The following EYA2 variants were observed in gnomAD, a reference collection of about 807,000 sequenced individuals.
The protein encoded by EYA2 is protein phosphatase EYA2.
A neutral mutation model predicts 69.2 loss-of-function variants in EYA2; 31 were observed. The observed-to-expected ratio is 0.45, with a 90% CI of 0.34 to 0.60. The LOEUF (loss-of-function observed/expected upper bound fraction) is 0.60. Among genes scored for constraint, EYA2 ranks in the 20% least tolerant of loss-of-function variants. The pLI is 0.02. For synonymous variants in EYA2, 257 were observed against 279.4 expected, an observed-to-expected ratio of 0.92 and a Z score of 0.80; for missense variants, 622 against 701.2, an observed-to-expected ratio of 0.89 and a Z score of 1.28.
At chr20:47,080,483 G>T (rs2031673248) in intron 7 of EYA2, among the ~76,000 whole-genome samples, 1 of 134,226 alleles carries the variant, frequency 7.5e-6, no homozygotes, top group African/African-American at 2.8e-5. Context: ...GGGAAATGAG[G>T]GAGGGAGGGA....
chr20:47,088,952 T>C (rs1261741071), intron 7 of EYA2, among the ~76,000 whole-genome samples: 2 of 152,222 alleles, frequency 1.3e-5, no homozygotes, highest in South Asian at 2.1e-4. Context: ...GTCTGATGAC[T>C]GTCTCCTCTC....
chr20:47,060,085 T>C (rs1253671496), intron 5 of EYA2, among the ~76,000 whole-genome samples: 1 of 152,228 alleles, frequency 6.6e-6, no homozygotes, highest in African/African-American at 2.4e-5. Context: ...CCAGAAGCCC[T>C]GGCTACATTA....
At chr20:47,065,121 G>A (rs1205271346) in intron 5 of EYA2, among the ~76,000 whole-genome samples, 1 of 152,116 alleles carries the variant, frequency 6.6e-6, no homozygotes, top group Non-Finnish European at 1.5e-5. Flanking sequence ...AACAGCATGG[G>A]AAAGATCTGC....
intron 5 of EYA2, among the ~76,000 whole-genome samples, chr20:47,071,024 T>TC (rs1387659263): frequency 2.0e-5 from 3 of 151,732 alleles, no homozygotes; most frequent in East Asian, 1.9e-4. Context: ...TTTTTTTTTT[T>TC]CCAAGATGGA....
chr20:47,117,663 A>G (rs2032939506), intron 9 of EYA2: 1 of 985,448 alleles, frequency 1.0e-6, no homozygotes, highest in Non-Finnish European at 1.2e-6. Context: ...AAAGAAAAAG[A>G]AAACCCGGTT....
At chr20:46,958,556 T>A (rs1408515578) in intron 1 of EYA2, among the ~76,000 whole-genome samples, 1 of 152,212 alleles carries the variant, frequency 6.6e-6, no homozygotes, top group South Asian at 2.1e-4. Context: ...CCCTCATTTT[T>A]TTAAACTGTT....
intron 5 of EYA2, among the ~76,000 whole-genome samples, chr20:47,050,621 A>G (rs1237763595): frequency 1.3e-5 from 2 of 152,222 alleles, no homozygotes; most frequent in Non-Finnish European, 2.9e-5. Context: ...TAAGGAAAGG[A>G]GTGAATTATA....
At chr20:47,168,180 C>CTTTTGTTT (rs372709241) in intron 10 of EYA2, among the ~76,000 whole-genome samples, 3 of 135,928 alleles carry the variant, frequency 2.2e-5, no homozygotes, top group Non-Finnish European at 3.1e-5. Flanking sequence ...ACCCCGTAGT[C>CTTTTGTTT]TTTTGTTTTT....
chr20:46,947,721 CA>C (rs1032635822), intron 1 of EYA2, among the ~76,000 whole-genome samples: 1 of 152,190 alleles, frequency 6.6e-6, no homozygotes, highest in African/African-American at 2.4e-5. Context: ...TTTCTTTGGT[CA>C]AAGCAGCTCA....
chr20:47,182,176 G>C (rs6094623), intron 14 of EYA2, among the ~76,000 whole-genome samples: 84,149 of 151,460 alleles, frequency 0.56, 25,290 homozygotes, highest in African/African-American at 0.81. Context: ...CCACTACACC[G>C]AGCTAATTTT....
chr20:47,097,464 G>T (rs2032285271), intron 9 of EYA2, among the ~76,000 whole-genome samples: 1 of 152,210 alleles, frequency 6.6e-6, no homozygotes, highest in Non-Finnish European at 1.5e-5. Flanking sequence ...CTAAGACAGT[G>T]GGCTATGGTG....
At chr20:47,089,187 G>A in intron 7 of EYA2, 52 bp from the exon 8 acceptor site, 1 of 1,597,680 alleles carries the variant, frequency 6.3e-7, no homozygotes, top group Non-Finnish European at 8.6e-7. Flanking sequence ...TTCCCAGGAG[G>A]AGACACCCAG....
chr20:47,039,327 T>C (rs998036350), intron 5 of EYA2, among the ~76,000 whole-genome samples: 5 of 152,222 alleles, frequency 3.3e-5, no homozygotes, highest in Admixed American at 3.3e-4. Context: ...ATGAAAATGA[T>C]ATGAAATTCA....
intron 1 of EYA2, among the ~76,000 whole-genome samples, chr20:46,915,485 C>G (rs1984860929): frequency 6.6e-6 from 1 of 152,098 alleles, no homozygotes; most frequent in Non-Finnish European, 1.5e-5. Context: ...CTCAGACAGG[C>G]CAAGGAGGAG....
intron 9 of EYA2, among the ~76,000 whole-genome samples, chr20:47,119,916 A>C (rs767370709): frequency 8.5e-5 from 13 of 152,086 alleles, no homozygotes; most frequent in Non-Finnish European, 1.6e-4. Context: ...AAAGAAAAAT[A>C]AGTAAAATAG....
chr20:46,940,233 A>G (rs529809759), intron 1 of EYA2, among the ~76,000 whole-genome samples: 2 of 152,320 alleles, frequency 1.3e-5, no homozygotes, highest in Admixed American at 6.5e-5. Context: ...AACAGCTGAG[A>G]TGTATTGAGC....
intron 5 of EYA2, among the ~76,000 whole-genome samples, chr20:47,037,387 T>G (rs952475539): frequency 6.6e-5 from 10 of 152,222 alleles, no homozygotes; most frequent in African/African-American, 2.4e-4. Flanking sequence ...AGAATAGACA[T>G]GGCGCAAAAG....
intron 5 of EYA2, among the ~76,000 whole-genome samples, chr20:47,061,192 T>C (rs1434845669): frequency 6.6e-6 from 1 of 152,126 alleles, no homozygotes; most frequent in Non-Finnish European, 1.5e-5. Context: ...CCTTGTCTCT[T>C]GTCCTACCCC....
Position 47,038,136 on chromosome 20 carries a change from A to G in EYA2, c.415+21839A>G, listed in dbSNP as rs1984824056. Among the ~76,000 whole-genome samples the G allele has an allele frequency of 2.0e-5, 3 of 152,196 alleles. No homozygotes were observed. In the South Asian group the frequency reaches 6.2e-4, roughly 32 times the overall value. On this transcript the variant is annotated intron_variant, in intron 5 of 15. Transcript: ENST00000327619. Reference sequence around the variant, plus strand: ...CTGATGGTGATGGATTCATGTAGAAAAAATAATAGAGCAAGGGAGAGAATT... The same window carrying G: ...CTGATGGTGATGGATTCATGTAGAAGAAATAATAGAGCAAGGGAGAGAATT...
Sources: gnomAD v4.1 joint callset for allele counts (sites outside exome capture counted in the v4.1 genomes callset) on GRCh38, gnomAD v4.1.1 for gene constraint, MANE v1.5 for transcripts, NCBI Gene and HGNC (gene_info 2026-07-23, HGNC 2026-07-21) for gene names.